The following GLRA2 variants were observed in gnomAD, a reference collection of about 807,000 sequenced individuals.
GLRA2 encodes glycine receptor alpha 2, also known as glycine receptor subunit alpha-2.
Under a neutral mutation model 31.6 loss-of-function variants are expected in GLRA2, and 11 were observed. The observed-to-expected ratio is 0.35, with a 90% CI of 0.22 to 0.58. GLRA2 has a LOEUF of 0.58. GLRA2 is among the 20% of genes least tolerant of loss of function. GLRA2 has a pLI of 0.84. For synonymous variants in GLRA2, 132 were observed against 134.0 expected (o/e 0.99, Z 0.10); for missense variants, 212 against 351.8 (o/e 0.60, Z 3.18).
chrX:14,486,822 A>G, the GLRA2 span, among the ~76,000 whole-genome samples: 1 of 112,186 alleles, frequency 8.9e-6, no homozygotes, highest in Non-Finnish European at 1.9e-5. Context: ...CAAAGAATGC[A>G]TACAGTATAA....
intron 8 of GLRA2, among the ~76,000 whole-genome samples, chrX:14,715,226 C>T (rs942496217): frequency 7.1e-5 from 8 of 112,100 alleles, no homozygotes; most frequent in African/African-American, 2.6e-4. Context: ...AAAAAATGGA[C>T]GGTGTTTCAA....
At chrX:14,660,541 A>G (rs2090981279) in intron 7 of GLRA2, among the ~76,000 whole-genome samples, 1 of 111,686 alleles carries the variant, frequency 9.0e-6, no homozygotes, top group African/African-American at 3.3e-5. Context: ...TAAAAAGGAT[A>G]CTGCAGCTGC....
chrX:14,685,560 C>G (rs1282579513), intron 7 of GLRA2, among the ~76,000 whole-genome samples: 1 of 111,586 alleles, frequency 9.0e-6, no homozygotes, highest in Admixed American at 9.5e-5. Context: ...TGTATGTGTC[C>G]AGGAATTTAA....
intron 2 of GLRA2, among the ~76,000 whole-genome samples, chrX:14,554,553 A>G (rs929625681): frequency 5.4e-5 from 6 of 112,005 alleles, no homozygotes; most frequent in African/African-American, 1.9e-4. Flanking sequence ...TCTGAGCCCA[A>G]GATGTCCAAA....
chrX:14,501,072 T>TAAA, the GLRA2 span, among the ~76,000 whole-genome samples: 1 of 89,480 alleles, frequency 1.1e-5, no homozygotes, highest in African/African-American at 4.1e-5. Context: ...GAAAAAGTAG[T>TAAA]AAAAAAAAAA....
At chrX:14,578,497 A>G (rs951462356) in intron 3 of GLRA2, among the ~76,000 whole-genome samples, 1 of 112,490 alleles carries the variant, frequency 8.9e-6, no homozygotes, top group African/African-American at 3.2e-5. Flanking sequence ...GAAATCTGTT[A>G]GTGTTCATTG....
Position 14,730,261 on chromosome X carries a change from C to T in GLRA2, c.1135C>T (p.His379Tyr), listed in dbSNP as rs2091976332. ...RFNFSGYGMG[H>Y]CLQVKDGTAV... Reference sequence around the variant, plus strand: ...TAATTTTAGCGGTTATGGGATGGGTCACTGCCTCCAAGTGAAAGATGGAAC... The same window carrying T: ...TAATTTTAGCGGTTATGGGATGGGTTACTGCCTCCAAGTGAAAGATGGAAC... Residue 379 changes from histidine to tyrosine, a missense_variant, in exon 9 of 9, where the codon CAC becomes TAC. Around this residue, in one of 5 missense-constraint regions of GLRA2, gnomAD observed 2 missense variants for 18.7 expected, o/e 0.11. Transcript: ENST00000218075. The T allele has an allele frequency of 8.4e-7, 1 of 1,195,591 alleles. No individual in the cohort carries two copies. The highest frequency in any genetic ancestry group is 1.8e-5 in the African/African-American group (1 of 56,652).
At chrX:14,717,973 G>C (rs1244685610) in intron 8 of GLRA2, among the ~76,000 whole-genome samples, 2 of 111,136 alleles carry the variant, frequency 1.8e-5, no homozygotes, top group African/African-American at 6.5e-5. Flanking sequence ...GTACCCCTGA[G>C]AATGTCGTCG....
At chrX:14,683,943 C>G (rs1055363265) in intron 7 of GLRA2, among the ~76,000 whole-genome samples, 5 of 109,963 alleles carry the variant, frequency 4.5e-5, no homozygotes, top group African/African-American at 1.7e-4. Flanking sequence ...GAATTCTTAG[C>G]TAAGAATTTT....
Position 14,710,169 on chromosome X carries a change from A to G in GLRA2, c.1080+19310A>G, listed in dbSNP as rs550375988. 4.2e-4 allele frequency among the ~76,000 whole-genome samples: 47 copies of G among 111,678 alleles called. No individual in the cohort carries two copies. The South Asian group carries it at 0.017, about 40-fold the overall frequency. On this transcript the variant is annotated intron_variant, in intron 8 of 8. Transcript: ENST00000218075. The stretch of plus-strand genomic sequence containing the variant: ...ACATCGAGGGCCAGACCAAATATAG[A>G]TCTGATCCTAGTGATTGAGTTCTCA...
At chrX:14,704,413 C>T (rs2091591067) in intron 8 of GLRA2, among the ~76,000 whole-genome samples, 1 of 112,187 alleles carries the variant, frequency 8.9e-6, no homozygotes, top group African/African-American at 3.2e-5. Flanking sequence ...TTCTTGATGG[C>T]AACTTGAGCT....
the GLRA2 span, among the ~76,000 whole-genome samples, chrX:14,509,577 T>A: frequency 4.5e-5 from 5 of 112,226 alleles, no homozygotes; most frequent in Admixed American, 2.8e-4. Flanking sequence ...AGTGGCTTCA[T>A]AAAGTGGGGC....
chrX:14,673,077 C>G, intron 7 of GLRA2, among the ~76,000 whole-genome samples: 1 of 111,407 alleles, frequency 9.0e-6, no homozygotes, highest in Non-Finnish European at 1.9e-5. Context: ...CTCTACCATT[C>G]AATTGAAATT....
intron 7 of GLRA2, among the ~76,000 whole-genome samples, chrX:14,674,742 TTCTC>T (rs1009949566): frequency 9.0e-6 from 1 of 110,498 alleles, no homozygotes; most frequent in Non-Finnish European, 1.9e-5. Flanking sequence ...AGTTTTTCTC[TTCTC>T]TTTCTTTCTC....
chrX:14,553,931 C>T (rs187896979), intron 2 of GLRA2, among the ~76,000 whole-genome samples: 3 of 111,845 alleles, frequency 2.7e-5, no homozygotes, highest in African/African-American at 6.5e-5. Context: ...TCTTACTTCC[C>T]GACGTCTCAT....
the GLRA2 span, among the ~76,000 whole-genome samples, chrX:14,473,309 A>G: frequency 8.9e-6 from 1 of 111,992 alleles, no homozygotes; most frequent in East Asian, 2.8e-4. Context: ...AAACCAAGTC[A>G]CCCTCTAACA....
At chrX:14,476,683 A>G in the GLRA2 span, among the ~76,000 whole-genome samples, 1 of 111,841 alleles carries the variant, frequency 8.9e-6, no homozygotes, top group Non-Finnish European at 1.9e-5. Flanking sequence ...GAAATTTACT[A>G]CAAGCAGAGA....
intron 4 of GLRA2, among the ~76,000 whole-genome samples, chrX:14,598,515 T>C (rs1601750602): frequency 8.9e-6 from 1 of 112,405 alleles, no homozygotes; most frequent in East Asian, 2.8e-4. Flanking sequence ...CCTAACTAGT[T>C]GACCAAGGTT....
Position 14,730,557 on chromosome X carries a change from A to G in GLRA2, c.*72A>G. On this transcript the variant is annotated 3_prime_UTR_variant, in exon 9 of 9. Transcript: ENST00000218075. ...GTAAATACACAGTGAAATTGTCTTT[A>G]TATCACTTTGACAGAGGAGAAGATT... The G allele has an allele frequency of 2.6e-6, 1 of 381,289 alleles. No individual in the cohort carries two copies. The highest frequency in any genetic ancestry group is 4.2e-6 in the Non-Finnish European group (1 of 236,461). The allele number at this position is 381,289 out of a possible 1,213,427, so 31.4% of individuals were successfully genotyped here. A position where few individuals can be genotyped will look rare whatever the true frequency, so the allele number is the denominator to read the frequency against.
Sources: gnomAD v4.1 joint callset for allele counts (sites outside exome capture counted in the v4.1 genomes callset) on GRCh38, gnomAD v4.1.1 for gene constraint, gnomAD v4.1.1 regional missense constraint, MANE v1.5 for transcripts, NCBI Gene and HGNC (gene_info 2026-07-23, HGNC 2026-07-21) for gene names.